Variants in VWC2L observed in about 807,000 individuals in gnomAD.
VWC2L encodes von Willebrand factor C domain-containing protein 2-like.
Under a neutral mutation model 21.6 loss-of-function variants are expected in VWC2L, and 10 were observed. The observed-to-expected ratio is 0.46, with a 90% CI of 0.29 to 0.78. VWC2L has a LOEUF of 0.78. Ranked by LOEUF, VWC2L falls within the 30% of genes least tolerant of loss-of-function variation. The probability of loss-of-function intolerance (pLI) is 0.10; values close to 1 mark genes in which losing one functional copy is unlikely to be tolerated. For synonymous variants in VWC2L, 96 were observed against 94.3 expected (o/e 1.02, Z -0.10); for missense variants, 209 against 277.1 (o/e 0.75, Z 1.74).
At chr2:214,472,413 CATAGAA>C (rs1341712963) in intron 3 of VWC2L, among the ~76,000 whole-genome samples, 2 of 152,182 alleles carry the variant, frequency 1.3e-5, no homozygotes, top group Non-Finnish European at 2.9e-5. Flanking sequence ...GTAGAAATAT[CATAGAA>C]ATATTTTTTT....
intron 3 of VWC2L, among the ~76,000 whole-genome samples, chr2:214,568,626 C>T (rs948481700): frequency 6.6e-6 from 1 of 152,054 alleles, no homozygotes; most frequent in Non-Finnish European, 1.5e-5. Flanking sequence ...CATGAGATCC[C>T]ATGAGACTTA....
chr2:214,498,061 A>C (rs1366111673), intron 3 of VWC2L, among the ~76,000 whole-genome samples: 2 of 152,138 alleles, frequency 1.3e-5, no homozygotes, highest in Non-Finnish European at 2.9e-5. Flanking sequence ...CCGCTTCAAC[A>C]TGTTTCCCAG....
chr2:214,551,624 GAT>G (rs1265968728), intron 3 of VWC2L, among the ~76,000 whole-genome samples: 1 of 152,164 alleles, frequency 6.6e-6, no homozygotes, highest in African/African-American at 2.4e-5. Flanking sequence ...AGCTCTTAGT[GAT>G]TTTTATTGAC....
intron 3 of VWC2L, among the ~76,000 whole-genome samples, chr2:214,453,206 TTTTCA>T (rs1206387851): frequency 1.3e-5 from 2 of 152,190 alleles, no homozygotes; most frequent in African/African-American, 4.8e-5. Context: ...TAGTTTCAGG[TTTTCA>T]TTTATGTCCA....
chr2:214,431,155 C>T (rs983411633), intron 2 of VWC2L, among the ~76,000 whole-genome samples: 2 of 152,156 alleles, frequency 1.3e-5, no homozygotes, highest in Admixed American at 6.5e-5. Flanking sequence ...TACTTTTGCA[C>T]TTTGTAATTT....
chr2:214,493,841 T>G (rs936960225), intron 3 of VWC2L, among the ~76,000 whole-genome samples: 1 of 152,150 alleles, frequency 6.6e-6, no homozygotes, highest in African/African-American at 2.4e-5. Flanking sequence ...GGAGATGCTG[T>G]GCAGAAAACA....
chr2:214,437,574 A>C (rs1280955300), intron 3 of VWC2L, among the ~76,000 whole-genome samples: 1 of 152,278 alleles, frequency 6.6e-6, no homozygotes, highest in African/African-American at 2.4e-5. Flanking sequence ...TCTGTCATTA[A>C]TATCTGCTGG....
intron 3 of VWC2L, among the ~76,000 whole-genome samples, chr2:214,520,065 A>ACACACACACG (rs1553598701): frequency 8.8e-5 from 13 of 147,948 alleles, no homozygotes; most frequent in South Asian, 4.3e-4. Flanking sequence ...TTATACACAC[A>ACACACACACG]CACACACACA....
chr2:214,485,039 G>A (rs1336424716), intron 3 of VWC2L, among the ~76,000 whole-genome samples: 3 of 152,102 alleles, frequency 2.0e-5, no homozygotes, highest in Admixed American at 6.6e-5. Context: ...GTATCTGGCC[G>A]GGTGCAGTGG....
intron 3 of VWC2L, among the ~76,000 whole-genome samples, chr2:214,503,399 G>A (rs1688923340): frequency 6.6e-6 from 1 of 151,952 alleles, no homozygotes. Context: ...GTTTTAATAT[G>A]TAATATTAAT....
intron 3 of VWC2L, among the ~76,000 whole-genome samples, chr2:214,539,060 C>T (rs1320099009): frequency 6.6e-6 from 1 of 152,122 alleles, no homozygotes; most frequent in Admixed American, 6.6e-5. Context: ...AATGCTGCCT[C>T]ATAAAATTAA....
At chr2:214,516,787 G>A (rs1324368982) in intron 3 of VWC2L, among the ~76,000 whole-genome samples, 1 of 151,910 alleles carries the variant, frequency 6.6e-6, no homozygotes. Flanking sequence ...GTAGACTTAC[G>A]TTTGGTCCCA....
chr2:214,533,478 C>T (rs1371254391), intron 3 of VWC2L, among the ~76,000 whole-genome samples: 1 of 151,610 alleles, frequency 6.6e-6, no homozygotes, highest in Non-Finnish European at 1.5e-5. Flanking sequence ...TTTGGAATGT[C>T]TCTGCCTCCA....
At chr2:214,507,741 G>A (rs1029159060) in intron 3 of VWC2L, among the ~76,000 whole-genome samples, 2 of 152,112 alleles carry the variant, frequency 1.3e-5, no homozygotes, top group African/African-American at 2.4e-5. Context: ...CAGACAACCC[G>A]TATTTCTATT....
chr2:214,486,023 G>A (rs1688667643), intron 3 of VWC2L, among the ~76,000 whole-genome samples: 1 of 151,460 alleles, frequency 6.6e-6, no homozygotes, highest in African/African-American at 2.5e-5. Context: ...ATGACATTAA[G>A]TGGTCTTTTT....
chr2:214,464,725 G>T (rs935553620), intron 3 of VWC2L, among the ~76,000 whole-genome samples: 1 of 152,084 alleles, frequency 6.6e-6, no homozygotes, highest in African/African-American at 2.4e-5. Context: ...ACACTTCAGG[G>T]CAGTGAGCTC....
In VWC2L at chr2:214,504,698, C is replaced by T. The variant is rs145440294; in HGVS notation, c.520+67940C>T. 1.3e-3 allele frequency among the ~76,000 whole-genome samples: 192 copies of T among 152,228 alleles called. 1 individual carries two copies. Among genetic ancestry groups the T allele is most frequent in the African/African-American group, 4.3e-3 (177 of 41,538 alleles). On this transcript the variant is annotated intron_variant, in intron 3 of 3. Transcript: ENST00000312504. ...AACTGGCATTAGTGGTTATTCTCTC[C>T]GAGTCCTGGGAAGCATAATCCAGTG...
chr2:214,545,319 T>A (rs1409048509), intron 3 of VWC2L, among the ~76,000 whole-genome samples: 1 of 152,202 alleles, frequency 6.6e-6, no homozygotes, highest in African/African-American at 2.4e-5. Context: ...TGTTCATCTT[T>A]AAGTACTCTT....
At chr2:214,559,141 G>GA (rs1374817256) in intron 3 of VWC2L, among the ~76,000 whole-genome samples, 1 of 150,172 alleles carries the variant, frequency 6.7e-6, no homozygotes, top group Admixed American at 6.7e-5. Flanking sequence ...AAATTTACAA[G>GA]AAAAAAACAA....
Sources: allele counts gnomAD v4.1 joint callset (sites outside exome capture counted in the v4.1 genomes callset), GRCh38; gene constraint gnomAD v4.1.1; transcripts MANE v1.5; gene names NCBI Gene and HGNC (gene_info 2026-07-23, HGNC 2026-07-21).